The following PCDH11X variants were observed in gnomAD, a reference collection of about 807,000 sequenced individuals.
The protein encoded by PCDH11X is protocadherin 11 X-linked, also known as protocadherin-11 X-linked.
PCDH11X carries 18 observed loss-of-function variants against 53.3 expected under a neutral mutation model. The observed-to-expected ratio is 0.34, with a 90% confidence interval of 0.23 to 0.50. The LOEUF is 0.50. Ranked by LOEUF, PCDH11X falls within the 20% of genes least tolerant of loss-of-function variation. The probability of loss-of-function intolerance (pLI) is 0.98; values close to 1 mark genes in which losing one functional copy is unlikely to be tolerated. For synonymous variants in PCDH11X, 279 were observed against 393.3 expected (o/e 0.71, Z 3.44); for missense variants, 570 against 1,032.4 (o/e 0.55, Z 6.14).
intron 6 of PCDH11X, among the ~76,000 whole-genome samples, chrX:92,184,608 C>T (rs1441779525): frequency 8.9e-6 from 1 of 111,816 alleles, no homozygotes; most frequent in Non-Finnish European, 1.9e-5. Flanking sequence ...GTAACAAAAA[C>T]AGTATGGTAC....
Position 92,467,893 on chromosome X carries a change from C to A in PCDH11X, c.3344-406C>A, listed in dbSNP as rs773597766. Among the ~76,000 whole-genome samples the A allele has an allele frequency of 6.3e-5, 7 of 111,473 alleles. No individual in the cohort carries two copies. The South Asian group carries it at 2.2e-3, about 35-fold the overall frequency. On this transcript the variant is annotated intron_variant, in intron 9 of 10. Transcript: ENST00000682573. ...CAACCTGTTAAGTCAAAAACAATGTCTTTTCTTGCTCTACACTTATAGTAG... is the reference window on the plus strand; with the variant it reads ...CAACCTGTTAAGTCAAAAACAATGTATTTTCTTGCTCTACACTTATAGTAG...
chrX:92,091,266 A>T (rs1246228036), intron 6 of PCDH11X, among the ~76,000 whole-genome samples: 2 of 110,925 alleles, frequency 1.8e-5, no homozygotes, highest in Non-Finnish European at 3.8e-5. Context: ...CAATGATAAC[A>T]GAAGGCTGTG....
intron 9 of PCDH11X, among the ~76,000 whole-genome samples, chrX:92,399,844 C>T (rs1435970399): frequency 1.9e-4 from 21 of 109,221 alleles, no homozygotes; most frequent in Non-Finnish European, 3.6e-4. Flanking sequence ...TGGGTTCACG[C>T]CATTCTCCTG....
chrX:92,435,876 C>G (rs2148629606), intron 9 of PCDH11X, among the ~76,000 whole-genome samples: 1 of 109,597 alleles, frequency 9.1e-6, no homozygotes, highest in Non-Finnish European at 1.9e-5. Context: ...AACAATCACA[C>G]AAACAAGCCA....
At chrX:92,160,884 G>T (rs1457144717) in intron 6 of PCDH11X, among the ~76,000 whole-genome samples, 1 of 110,288 alleles carries the variant, frequency 9.1e-6, no homozygotes, top group Non-Finnish European at 1.9e-5. Context: ...GAGTAAGGTC[G>T]TATCACATTG....
chrX:92,468,458 A>G, intron 10 of PCDH11X, 136 bp downstream of exon 10: 1 of 641,926 alleles, frequency 1.6e-6, no homozygotes. Flanking sequence ...CACATTTTTG[A>G]TACATTTAAA....
At position 91,821,743 on chromosome X, in the gene PCDH11X, T is replaced by C. The variant is rs866128872; in HGVS notation, c.-45+10448T>C. Among the ~76,000 whole-genome samples, 9 of 103,656 alleles carry C rather than the reference T, an allele frequency of 8.7e-5. No homozygotes were observed. The South Asian group carries it at 3.8e-3, about 43-fold the overall frequency. 90.0% of individuals were successfully genotyped at this position (103,656 alleles called of 115,157 possible). A position where few individuals can be genotyped will look rare whatever the true frequency, so the allele number is the denominator to read the frequency against. On this transcript the variant is annotated intron_variant, in intron 4 of 10. Transcript: ENST00000682573. ...GGAGTGGTGAGAGAGGGCATCCCTGTCTTGTGCCCGTTTTCAAAGGGAATG... is the reference window on the plus strand; with the variant it reads ...GGAGTGGTGAGAGAGGGCATCCCTGCCTTGTGCCCGTTTTCAAAGGGAATG...
chrX:91,788,488 T>A (rs1935406218), intron 1 of PCDH11X, among the ~76,000 whole-genome samples: 1 of 112,213 alleles, frequency 8.9e-6, no homozygotes, highest in African/African-American at 3.2e-5. Context: ...AGGATGGTTT[T>A]ATTTTTATAA....
At chrX:92,366,941 A>G (rs1469414764) in intron 8 of PCDH11X, among the ~76,000 whole-genome samples, 4 of 110,507 alleles carry the variant, frequency 3.6e-5, no homozygotes, top group African/African-American at 1.3e-4. Context: ...AATAAGTGCT[A>G]TGTATGTGCT....
At chrX:92,275,824 G>A (rs1455273305) in intron 8 of PCDH11X, among the ~76,000 whole-genome samples, 7 of 110,823 alleles carry the variant, frequency 6.3e-5, no homozygotes, top group South Asian at 7.8e-4. Context: ...GGTGTTGAGC[G>A]GGGTAAGGGT....
chrX:92,034,032 T>C (rs1464850310), intron 6 of PCDH11X, among the ~76,000 whole-genome samples: 3 of 110,174 alleles, frequency 2.7e-5, no homozygotes, highest in African/African-American at 9.9e-5. Context: ...CAGCATTTTA[T>C]TTAATTTCCC....
At chrX:92,358,156 T>G (rs2070256495) in intron 8 of PCDH11X, among the ~76,000 whole-genome samples, 1 of 104,499 alleles carries the variant, frequency 9.6e-6, no homozygotes, top group African/African-American at 3.5e-5. Flanking sequence ...GTTGTAGATC[T>G]GGAATGGATT....
At chrX:91,853,487 T>G (rs975294619) in intron 5 of PCDH11X, among the ~76,000 whole-genome samples, 1 of 109,561 alleles carries the variant, frequency 9.1e-6, no homozygotes, top group African/African-American at 3.4e-5. Flanking sequence ...GTATTATAAA[T>G]GATTCAACCT....
At chrX:92,238,910 C>T (rs1442178786) in intron 7 of PCDH11X, among the ~76,000 whole-genome samples, 3 of 111,413 alleles carry the variant, frequency 2.7e-5, no homozygotes, top group Non-Finnish European at 5.7e-5. Context: ...AAGCATTTCA[C>T]TCATTATTCT....
intron 6 of PCDH11X, among the ~76,000 whole-genome samples, chrX:92,150,297 A>G (rs1396182384): frequency 1.8e-5 from 2 of 110,854 alleles, no homozygotes; most frequent in Non-Finnish European, 3.8e-5. Context: ...ATTCTAAATG[A>G]GTTTGTAAAA....
In PCDH11X at chrX:92,434,313, C is replaced by T. The variant is rs1385062766; in HGVS notation, c.3344-33986C>T. Among the ~76,000 whole-genome samples, 6 of 109,006 alleles carry T rather than the reference C, an allele frequency of 5.5e-5. No homozygotes were observed. The East Asian group carries it at 1.4e-3, about 26-fold the overall frequency. The allele number at this position is 109,006 out of a possible 115,157, so 94.7% of individuals were successfully genotyped here. A position where few individuals can be genotyped will look rare whatever the true frequency, so the allele number is the denominator to read the frequency against. On this transcript the variant is annotated intron_variant, in intron 9 of 10. Coordinates refer to ENST00000682573, the MANE Select transcript of PCDH11X (RefSeq NM_032968.5). Reference sequence around the variant, plus strand: ...TTTCATAACTATCAAACATATTTTTCACTAATCTTAGCAAGATTCTATAAT... The same window carrying T: ...TTTCATAACTATCAAACATATTTTTTACTAATCTTAGCAAGATTCTATAAT...
chrX:92,132,801 T>G (rs2148201190), intron 6 of PCDH11X, among the ~76,000 whole-genome samples: 1 of 106,320 alleles, frequency 9.4e-6, no homozygotes, highest in Non-Finnish European at 1.9e-5. Context: ...TGACATGAGA[T>G]AATTTTTCTT....
chrX:92,277,031 T>C (rs2068111770), intron 8 of PCDH11X, among the ~76,000 whole-genome samples: 1 of 109,993 alleles, frequency 9.1e-6, no homozygotes, highest in Non-Finnish European at 1.9e-5. Flanking sequence ...GGACCAGGTG[T>C]GAGGAGGGGA....
chrX:92,483,165 G>T (rs1422254685), intron 10 of PCDH11X, among the ~76,000 whole-genome samples: 3 of 111,716 alleles, frequency 2.7e-5, no homozygotes. Context: ...TCTGGCTCTT[G>T]TAAGCTTTAT....
Sources: allele counts gnomAD v4.1 joint callset (sites outside exome capture counted in the v4.1 genomes callset), GRCh38; gene constraint gnomAD v4.1.1; transcripts MANE v1.5; gene names NCBI Gene and HGNC (gene_info 2026-07-23, HGNC 2026-07-21).